Variants in POLR3G observed in about 807,000 individuals in gnomAD.
POLR3G encodes RNA polymerase III subunit G, also known as DNA-directed RNA polymerase III subunit RPC7.
A neutral mutation model predicts 30.1 loss-of-function variants in POLR3G; 28 were observed. That is an observed-to-expected ratio of 0.93 (90% CI 0.69 to 1.27). The LOEUF is 1.27. Among genes scored for constraint, POLR3G ranks in the 50% most tolerant of loss-of-function variants. The pLI, the probability that POLR3G is intolerant of heterozygous loss-of-function variation, is 0.00. For missense variants in POLR3G, 254 were observed against 264.6 expected, an observed-to-expected ratio of 0.96 and a Z score of 0.28; for synonymous variants, 79 against 82.5, an observed-to-expected ratio of 0.96 and a Z score of 0.23.
At chr5:90,497,124 A>G (rs560885023) in intron 4 of POLR3G, among the ~76,000 whole-genome samples, 30 of 152,336 alleles carry the variant, frequency 2.0e-4, no homozygotes, top group African/African-American at 7.2e-4. Context: ...TATTTAGCTA[A>G]TACAAGCAAA....
intron 3 of POLR3G, among the ~76,000 whole-genome samples, chr5:90,489,258 A>AT (rs527243253): frequency 0.082 from 11,317 of 138,244 alleles, 546 homozygotes; most frequent in South Asian, 0.14. Context: ...AAAATACTTA[A>AT]TTTTTTTTTT....
intron 1 of POLR3G, among the ~76,000 whole-genome samples, chr5:90,482,711 T>C (rs1751204705): frequency 6.6e-6 from 1 of 152,164 alleles, no homozygotes; most frequent in Non-Finnish European, 1.5e-5. Context: ...TAACTGACTC[T>C]TCTGATCTTG....
At chr5:90,489,318 T>C (rs1172477264) in intron 3 of POLR3G, among the ~76,000 whole-genome samples, 1 of 147,972 alleles carries the variant, frequency 6.8e-6, no homozygotes, top group African/African-American at 2.5e-5. Flanking sequence ...CAGGCTGGAG[T>C]GTAGTGGTAC....
intron 3 of POLR3G, among the ~76,000 whole-genome samples, chr5:90,490,393 T>C (rs1170145757): frequency 6.6e-6 from 1 of 151,612 alleles, no homozygotes; most frequent in Non-Finnish European, 1.5e-5. Flanking sequence ...TTTTTTTATT[T>C]TATTGTTTTA....
chr5:90,474,626 T>A (rs1385682928), upstream of POLR3G: 1 of 333,910 alleles, frequency 3.0e-6, no homozygotes, highest in Non-Finnish European at 5.6e-6. Flanking sequence ...GAATGGAGAC[T>A]CAGGTGGCGA....
intron 1 of POLR3G, among the ~76,000 whole-genome samples, chr5:90,479,396 C>A (rs1388536586): frequency 5.3e-5 from 8 of 152,112 alleles, no homozygotes; most frequent in Non-Finnish European, 1.0e-4. Context: ...TTGCTTGAAC[C>A]CGGGAGGCGG....
chr5:90,480,424 G>T lies in POLR3G; in HGVS notation c.-43-5101G>T, dbSNP rs1410926516. On this transcript the variant is annotated intron_variant, in intron 1 of 7. Transcript: ENST00000651687. ...CTGGAATGCCACATAATTATTAAAT[G>T]TGTCAAAAGCTAGGAAGTTTTTCTG... is the stretch of plus-strand genomic sequence containing the variant. 3.8e-3 allele frequency among the ~76,000 whole-genome samples: 583 copies of T among 152,326 alleles called. 4 individuals are homozygous for T. Among genetic ancestry groups the T allele is most frequent in the African/African-American group, 0.013 (536 of 41,570 alleles).
At chr5:90,512,014 C>G (rs567914434) in intron 7 of POLR3G, 39 bp from the exon 8 acceptor site, 1 of 1,337,620 alleles carries the variant, frequency 7.5e-7, no homozygotes, top group Non-Finnish European at 1.1e-6. Context: ...ACTACTCATT[C>G]ATTTTAACGT....
chr5:90,506,672 G>T lies in POLR3G; in HGVS notation c.583G>T (p.Glu195Ter), dbSNP rs751745522. Residue 195 changes from glutamate to a stop codon, truncating the protein, a stop_gained and splice_region_variant, in exon 7 of 8, where the codon GAG becomes TAG. Coordinates refer to ENST00000651687, the MANE Select transcript of POLR3G (RefSeq NM_006467.3). LOFTEE classifies it high-confidence loss of function. ...QEEYDEEEQE[E>*]ENDYINSYFE... ...GGAATATGATGAAGAAGAGCAAGAA[G>T]AGGTAATGGTTCATTTGGGGATGGT... is the stretch of plus-strand genomic sequence containing the variant. The T allele has an allele frequency of 6.2e-7, 1 of 1,603,354 alleles. No homozygotes were observed. The highest frequency in any genetic ancestry group is 8.5e-7 in the Non-Finnish European group (1 of 1,175,126).
At chr5:90,508,791 G>A (rs67376567) in intron 7 of POLR3G, among the ~76,000 whole-genome samples, 46,283 of 151,994 alleles carry the variant, frequency 0.3, 7,655 homozygotes, top group Middle Eastern at 0.38. Context: ...CTGGCCAAGC[G>A]CAGTGGCTCA....
chr5:90,495,961 A>C (rs921882459), intron 4 of POLR3G, among the ~76,000 whole-genome samples: 3 of 151,148 alleles, frequency 2.0e-5, no homozygotes, highest in African/African-American at 7.3e-5. Context: ...ATATATATGT[A>C]TATTTTATTT....
intron 7 of POLR3G, among the ~76,000 whole-genome samples, chr5:90,509,995 G>A (rs1464410434): frequency 6.6e-6 from 1 of 152,152 alleles, no homozygotes; most frequent in Non-Finnish European, 1.5e-5. Context: ...TAAACCAGTG[G>A]TTTTCAATAC....
chr5:90,482,999 G>A (rs1446992855), intron 1 of POLR3G, among the ~76,000 whole-genome samples: 1 of 152,052 alleles, frequency 6.6e-6, no homozygotes, highest in Non-Finnish European at 1.5e-5. Flanking sequence ...AATTAGACAG[G>A]CATGGTGGCG....
At position 90,501,941 on chromosome 5, in the gene POLR3G, A is replaced by G. The variant is rs751920496; in HGVS notation, c.391A>G (p.Lys131Glu). ...ACCCAAAAAGGCAAAAGACGCAGGCAAAGGCACACCACTCACTAATACTGA... is the reference window on the plus strand; with the variant it reads ...ACCCAAAAAGGCAAAAGACGCAGGCGAAGGCACACCACTCACTAATACTGA... ...PKPKKAKDAGKGTPLTNTEDV... is the reference protein window; with the variant it reads ...PKPKKAKDAGEGTPLTNTEDV... The change falls in exon 6 of 8, where the codon AAA (lysine) becomes GAA (glutamate). Residue 131 changes from lysine (K) to glutamate (E), a missense_variant. Lys to Glu is a moderately conservative substitution (Grantham distance 56). Coordinates refer to ENST00000651687, the MANE Select transcript of POLR3G (RefSeq NM_006467.3). 6.2e-7 allele frequency: 1 copy of G among 1,613,660 alleles called. No individual in the cohort carries two copies. The highest frequency in any genetic ancestry group is 1.1e-5 in the South Asian group (1 of 91,022).
Position 90,495,687 on chromosome 5 carries a change from G to A in POLR3G, c.258G>A (p.Arg86=). The A allele has an allele frequency of 6.2e-7, 1 of 1,600,462 alleles. No individual in the cohort carries two copies. The highest frequency in any genetic ancestry group is 1.1e-5 in the South Asian group (1 of 88,040). Residue 86 remains arginine (R), a synonymous_variant, in exon 4 of 8, where the codon AGG becomes AGA. Transcript: ENST00000651687. Reference sequence around the variant, plus strand: ...TCTTTTTTCCCCTAGATATTGAAAGGTATAGTAAAAGATACATGAAGGTAT... The same window carrying A: ...TCTTTTTTCCCCTAGATATTGAAAGATATAGTAAAAGATACATGAAGGTAT... ...ETPEERQDIE[R]YSKRYMKVYK...
chr5:90,485,708 C>T, intron 2 of POLR3G, 24 bp downstream of exon 2: 1 of 1,514,960 alleles, frequency 6.6e-7, no homozygotes, highest in Non-Finnish European at 9.1e-7. Context: ...CAGTTGAATT[C>T]TCATAGTGTG....
rs1399546572 is a variant in POLR3G, at chr5:90,485,699, A to C, written c.117+15A>C. On this transcript the variant is annotated intron_variant, in intron 2 of 7. Transcript: ENST00000651687. ...CACTATTTCCTGTAAGTATATGAAC[A>C]GTTGAATTCTCATAGTGTGTTTTTT... 40 of 1,551,408 alleles carry C rather than the reference A, an allele frequency of 2.6e-5. No homozygotes were observed. Among genetic ancestry groups the C allele is most frequent in the Non-Finnish European group, 3.4e-5 (38 of 1,127,394 alleles).
At chr5:90,510,868 TAAA>T (rs35627067) in intron 7 of POLR3G, among the ~76,000 whole-genome samples, 1 of 142,928 alleles carries the variant, frequency 7.0e-6, no homozygotes, top group Non-Finnish European at 1.5e-5. Flanking sequence ...TATCCAGATT[TAAA>T]AAAAAAAAAA....
upstream of POLR3G, chr5:90,474,100 C>T (rs748234458): frequency 5.6e-5 from 88 of 1,576,234 alleles, no homozygotes; most frequent in Non-Finnish European, 7.1e-5. Flanking sequence ...GCCTCTCGGT[C>T]CTGCAAGAGG....
Sources: gnomAD v4.1 joint callset for allele counts (sites outside exome capture counted in the v4.1 genomes callset) on GRCh38, gnomAD v4.1.1 for gene constraint, MANE v1.5 for transcripts, NCBI Gene and HGNC (gene_info 2026-07-23, HGNC 2026-07-21) for gene names.